Variants in MTURN observed in about 807,000 individuals in gnomAD.
MTURN encodes the protein maturin, neural progenitor differentiation regulator homolog.
In MTURN, 7 loss-of-function variants were observed where a neutral mutation model predicts 14.9. The observed-to-expected ratio is 0.47, with a 90% confidence interval of 0.27 to 0.88. The LOEUF (loss-of-function observed/expected upper bound fraction) is 0.88, where lower values mean the gene tolerates loss of function less well. Ranked by LOEUF, MTURN falls within the 40% of genes least tolerant of loss-of-function variation. The pLI is 0.14. For synonymous variants in MTURN, 69 were observed against 72.5 expected, an observed-to-expected ratio of 0.95 and a Z score of 0.25; for missense variants, 151 against 174.1, an observed-to-expected ratio of 0.87 and a Z score of 0.75.
intron 1 of MTURN, among the ~76,000 whole-genome samples, chr7:30,144,908 C>CT (rs1400328658): frequency 7.8e-6 from 1 of 127,590 alleles, no homozygotes; most frequent in Non-Finnish European, 1.7e-5. Flanking sequence ...AGATGTCTTT[C>CT]TTTCTCCCAG....
At position 30,160,705 on chromosome 7, in the gene MTURN, G is replaced by A. The variant is rs535796348; in HGVS notation, c.*3157G>A. The stretch of plus-strand genomic sequence containing the variant: ...TACAAAACCGTGATCCTGGGTTTGA[G>A]TGAATCCTAGAGACATTGTTCTTAT... On this transcript the variant is annotated 3_prime_UTR_variant, in exon 3 of 3. Transcript: ENST00000324453. 6.6e-5 allele frequency: 10 copies of A among 152,354 alleles called. No individual in the cohort carries two copies. The highest frequency in any genetic ancestry group is 2.2e-4 in the African/African-American group (9 of 41,570). The allele number at this position is 152,354 out of a possible 1,614,324, so 9.4% of individuals were successfully genotyped here. A position where few individuals can be genotyped will look rare whatever the true frequency, so the allele number is the denominator to read the frequency against.
chr7:30,141,779 T>G (rs1797056301), intron 1 of MTURN, among the ~76,000 whole-genome samples: 1 of 152,174 alleles, frequency 6.6e-6, no homozygotes, highest in African/African-American at 2.4e-5. Flanking sequence ...CGCCTTGGCC[T>G]CCCACAATGT....
chr7:30,138,150 C>A (rs1210485529), intron 1 of MTURN, among the ~76,000 whole-genome samples: 1 of 152,104 alleles, frequency 6.6e-6, no homozygotes. Flanking sequence ...CAGTCTTGCT[C>A]TGTCGCCCAG....
At chr7:30,147,320 T>C (rs993382159) in intron 2 of MTURN, among the ~76,000 whole-genome samples, 2 of 152,244 alleles carry the variant, frequency 1.3e-5, no homozygotes, top group Non-Finnish European at 2.9e-5. Context: ...AGTACCTTAC[T>C]CCAGAGAGGA....
intron 2 of MTURN, among the ~76,000 whole-genome samples, chr7:30,150,999 C>T (rs1367638346): frequency 6.6e-6 from 1 of 152,168 alleles, no homozygotes; most frequent in East Asian, 1.9e-4. Context: ...AACCCAGACA[C>T]TCTGCTAAAT....
chr7:30,146,343 T>C (rs755523522), intron 2 of MTURN, 44 bp downstream of exon 2: 7 of 1,609,460 alleles, frequency 4.3e-6, no homozygotes, highest in Non-Finnish European at 5.9e-6. Context: ...TTTTCTATGG[T>C]GATTGTGTTT....
intron 2 of MTURN, among the ~76,000 whole-genome samples, chr7:30,154,022 C>CTTT (rs1797249233): frequency 6.6e-6 from 1 of 152,022 alleles, no homozygotes; most frequent in African/African-American, 2.4e-5. Flanking sequence ...CTGGCCTAAA[C>CTTT]CCCCTTTAAC....
chr7:30,157,527 G>C lies in MTURN; in HGVS notation c.375G>C (p.Gln125His). ...AGGAGCCAGAGGCGGACCACCCCCA[G>C]ATGGGGGTCAGCCAGCAGTAAATCT... is the stretch of plus-strand genomic sequence containing the variant. ...EEEEPEADHP[Q>H]MGVSQQ Residue 125 changes from glutamine (Q) to histidine (H), a missense_variant, in exon 3 of 3, where the codon CAG becomes CAC. Gln to His is a conservative substitution (Grantham distance 24). Transcript: ENST00000324453. 2 of 1,602,988 alleles carry C rather than the reference G, an allele frequency of 1.2e-6. No homozygotes were observed. The highest frequency in any genetic ancestry group is 1.7e-6 in the Non-Finnish European group (2 of 1,175,292).
chr7:30,145,212 A>G (rs1797111650), intron 1 of MTURN, among the ~76,000 whole-genome samples: 2 of 152,206 alleles, frequency 1.3e-5, no homozygotes, highest in African/African-American at 4.8e-5. Context: ...CCCAGTCTTC[A>G]GAAAAAATAA....
Position 30,160,948 on chromosome 7 carries a change from C to T in MTURN, c.*3400C>T, listed in dbSNP as rs950613830. 1 of 152,628 alleles carries T rather than the reference C, an allele frequency of 6.6e-6. No homozygotes were observed. The highest frequency in any genetic ancestry group is 2.4e-5 in the African/African-American group (1 of 41,442). 9.5% of individuals were successfully genotyped at this position (152,628 alleles called of 1,614,324 possible). On this transcript the variant is annotated 3_prime_UTR_variant, in exon 3 of 3. Transcript: ENST00000324453. ...TAGGGATCCTCCTTGTGTCCTGGTG[C>T]CAGAATTAGATTTCCAGTGTACTTC...
intron 1 of MTURN, among the ~76,000 whole-genome samples, chr7:30,144,193 TACTTACTCA>T (rs1222144004): frequency 6.6e-6 from 1 of 152,262 alleles, no homozygotes; most frequent in Non-Finnish European, 1.5e-5. Context: ...CTGTGCCAGG[TACTTACTCA>T]GCTTTTAACT....
At chr7:30,148,893 G>T (rs958416258) in intron 2 of MTURN, among the ~76,000 whole-genome samples, 6 of 152,144 alleles carry the variant, frequency 3.9e-5, no homozygotes, top group Admixed American at 1.3e-4. Context: ...AAAAAGAAAT[G>T]GATTCCTGTA....
rs1206568340 is a variant in MTURN at position 30,161,129 on chromosome 7, A to G, written c.*3581A>G. 1.3e-5 allele frequency: 2 copies of G among 152,658 alleles called. No homozygotes were observed. Among genetic ancestry groups the G allele is most frequent in the Non-Finnish European group, 2.9e-5 (2 of 68,048 alleles). The allele number at this position is 152,658 out of a possible 1,614,324, so 9.5% of individuals were successfully genotyped here. A position where few individuals can be genotyped will look rare whatever the true frequency, so the allele number is the denominator to read the frequency against. ...GTGGTCCCAAGTGTCATTGGAATTT[A>G]TATTTTAGGAATAGGCTTTGCATGT... On this transcript the variant is annotated 3_prime_UTR_variant, in exon 3 of 3. Transcript: ENST00000324453.
chr7:30,157,418 C>T lies in MTURN; in HGVS notation c.286-20C>T. ...CCATTTGGCGCTCACAGCTGCTTTTCTCTTGTTCTCTCCCTGTAGTTACTG... is the reference window on the plus strand; with the variant it reads ...CCATTTGGCGCTCACAGCTGCTTTTTTCTTGTTCTCTCCCTGTAGTTACTG... On this transcript the variant is annotated intron_variant, in intron 2 of 2. Transcript: ENST00000324453. 2 of 1,558,484 alleles carry T rather than the reference C, an allele frequency of 1.3e-6. No homozygotes were observed. The highest frequency in any genetic ancestry group is 2.4e-5 in the South Asian group (2 of 83,286).
At chr7:30,156,576 C>T (rs376966360) in intron 2 of MTURN, among the ~76,000 whole-genome samples, 1 of 152,116 alleles carries the variant, frequency 6.6e-6, no homozygotes, top group East Asian at 1.9e-4. Context: ...CCTGTAATCC[C>T]AGCACTTTGG....
At chr7:30,148,198 A>G (rs1797155668) in intron 2 of MTURN, among the ~76,000 whole-genome samples, 3 of 152,238 alleles carry the variant, frequency 2.0e-5, no homozygotes, top group Admixed American at 2.0e-4. Flanking sequence ...CTGAGAAGGT[A>G]ACATTTGAGG....
intron 1 of MTURN, among the ~76,000 whole-genome samples, chr7:30,138,924 C>T (rs962840920): frequency 6.6e-6 from 1 of 152,170 alleles, no homozygotes; most frequent in African/African-American, 2.4e-5. Flanking sequence ...CCACGGCTGG[C>T]TCCTCGATGC....
chr7:30,159,605 GAGAT>G lies in MTURN; in HGVS notation c.*2065_*2068del, dbSNP rs1285361552. On this transcript the variant is annotated 3_prime_UTR_variant, in exon 3 of 3. Transcript: ENST00000324453. ...GTTCTCTGTTTATAAAAATTGAGTG[GAGAT>G]AGATAGACTCGGCCATTCTGTGGGC... 2 of 152,616 alleles carry G rather than the reference GAGAT, an allele frequency of 1.3e-5. No individual in the cohort carries two copies. Among genetic ancestry groups the G allele is most frequent in the Admixed American group, 6.5e-5 (1 of 15,278 alleles). 9.5% of individuals were successfully genotyped at this position (152,616 alleles called of 1,614,324 possible). A position where few individuals can be genotyped will look rare whatever the true frequency, so the allele number is the denominator to read the frequency against.
At chr7:30,145,670 A>T in intron 1 of MTURN, 1 of 654,200 alleles carries the variant, frequency 1.5e-6, no homozygotes, top group Non-Finnish European at 2.5e-6. Flanking sequence ...CTCTTAAGTT[A>T]TTTGCATTTG....
Sources: allele counts gnomAD v4.1 joint callset (sites outside exome capture counted in the v4.1 genomes callset), GRCh38; gene constraint gnomAD v4.1.1; transcripts MANE v1.5; gene names NCBI Gene and HGNC (gene_info 2026-07-23, HGNC 2026-07-21).